The following NBEAL1 variants were observed in gnomAD, a reference collection of about 807,000 sequenced individuals.
NBEAL1 encodes the protein neurobeachin like 1, also known as neurobeachin-like protein 1.
Under a neutral mutation model 351.3 loss-of-function variants are expected in NBEAL1, and 273 were observed. The ratio of observed to expected loss-of-function variants is 0.78; its 90% confidence interval spans 0.70 to 0.86. The LOEUF (loss-of-function observed/expected upper bound fraction) is 0.86. Ranked by LOEUF, NBEAL1 falls within the 40% of genes least tolerant of loss-of-function variation. The pLI, the probability that NBEAL1 is intolerant of heterozygous loss-of-function variation, is 0.00. For synonymous variants in NBEAL1, 1,050 were observed against 1,086.4 expected (o/e 0.97, Z 0.66); for missense variants, 2,961 against 3,201.3 (o/e 0.92, Z 1.81).
intron 8 of NBEAL1, among the ~76,000 whole-genome samples, chr2:203,080,711 GAA>G (rs1237024398): frequency 2.0e-5 from 3 of 152,058 alleles, no homozygotes; most frequent in Non-Finnish European, 2.9e-5. Context: ...CCTAGTAGAA[GAA>G]AAGAGTCTCC....
intron 50 of NBEAL1, among the ~76,000 whole-genome samples, chr2:203,201,928 A>G (rs1435316653): frequency 1.3e-5 from 2 of 152,098 alleles, no homozygotes; most frequent in African/African-American, 2.4e-5. Flanking sequence ...ATACATCTTC[A>G]TAGTATCTGG....
chr2:203,017,561 T>C (rs2060701339), intron 2 of NBEAL1, among the ~76,000 whole-genome samples: 1 of 152,158 alleles, frequency 6.6e-6, no homozygotes, highest in African/African-American at 2.4e-5. Context: ...TTCACCACTT[T>C]TGAAAATAGT....
chr2:203,115,841 C>CA, intron 17 of NBEAL1, 144 bp from the exon 18 acceptor site: 1 of 551,216 alleles, frequency 1.8e-6, no homozygotes, highest in Non-Finnish European at 3.2e-6. Context: ...AATATGGAAA[C>CA]AAAGTAAATT....
chr2:203,191,539 C>CA (rs1223782412), intron 46 of NBEAL1, among the ~76,000 whole-genome samples: 1 of 151,822 alleles, frequency 6.6e-6, no homozygotes, highest in Non-Finnish European at 1.5e-5. Context: ...GTAGAATGTA[C>CA]AAAAAAATAT....
chr2:203,132,914 T>C (rs1575018460), intron 26 of NBEAL1, 144 bp from the exon 27 acceptor site: 1 of 536,934 alleles, frequency 1.9e-6, no homozygotes, highest in South Asian at 2.7e-5. Flanking sequence ...TCTAAACCTA[T>C]TTTTTCTTTA....
At chr2:203,207,311 C>T (rs1324776221) in intron 51 of NBEAL1, among the ~76,000 whole-genome samples, 2 of 151,320 alleles carry the variant, frequency 1.3e-5, no homozygotes, top group Admixed American at 6.6e-5. Flanking sequence ...CCCCGCCCGG[C>T]CAGCCGCCCC....
intron 8 of NBEAL1, among the ~76,000 whole-genome samples, chr2:203,080,411 C>CA (rs1235029749): frequency 6.6e-6 from 1 of 151,358 alleles, no homozygotes; most frequent in Non-Finnish European, 1.5e-5. Flanking sequence ...GACTTCATCT[C>CA]AAAAAAAAAG....
intron 31 of NBEAL1, among the ~76,000 whole-genome samples, chr2:203,142,672 A>G (rs2063410158): frequency 6.6e-6 from 1 of 152,252 alleles, no homozygotes; most frequent in African/African-American, 2.4e-5. Context: ...AGTTAAAAGC[A>G]AAACATTGGA....
In NBEAL1 at chr2:203,144,962, G is replaced by T. The variant is rs780763853; in HGVS notation, c.5155-49G>T. On this transcript the variant is annotated intron_variant, in intron 32 of 55. Transcript: ENST00000683969. The stretch of plus-strand genomic sequence containing the variant: ...CTGCTAATTTACCATTTTTATAGAG[G>T]TGAAGTCATATATTAAATTTTATGT... The T allele has an allele frequency of 2.0e-6, 3 of 1,507,894 alleles. No homozygotes were observed. In the East Asian group the frequency reaches 7.2e-5, roughly 36 times the overall value. The allele number at this position is 1,507,894 out of a possible 1,614,324, so 93.4% of individuals were successfully genotyped here. A position where few individuals can be genotyped will look rare whatever the true frequency, so the allele number is the denominator to read the frequency against.
chr2:203,119,423 G>GTTTTTTTTTT (rs1559379701), intron 18 of NBEAL1, among the ~76,000 whole-genome samples: 3 of 21,432 alleles, frequency 1.4e-4, no homozygotes, highest in Non-Finnish European at 2.8e-4. Flanking sequence ...ACGGCCTGTT[G>GTTTTTTTTTT]CTTTTTTTTT....
chr2:203,038,370 A>T (rs1408271990), intron 2 of NBEAL1, among the ~76,000 whole-genome samples: 1 of 148,910 alleles, frequency 6.7e-6, no homozygotes. Context: ...CACTAACATG[A>T]TATAGTTTTT....
intron 4 of NBEAL1, 62 bp from the exon 5 acceptor site, chr2:203,056,365 T>C (rs1350521144): frequency 4.6e-6 from 4 of 869,358 alleles, no homozygotes; most frequent in Non-Finnish European, 7.6e-6. Flanking sequence ...CAAGCTGAAT[T>C]CATGAACATA....
At chr2:203,161,825 C>G (rs929448660) in intron 36 of NBEAL1, among the ~76,000 whole-genome samples, 1 of 151,550 alleles carries the variant, frequency 6.6e-6, no homozygotes, top group African/African-American at 2.4e-5. Context: ...AGAGCCAGAC[C>G]CTATCTCTAA....
At chr2:203,111,714 T>A (rs1394536109) in intron 15 of NBEAL1, among the ~76,000 whole-genome samples, 4 of 152,204 alleles carry the variant, frequency 2.6e-5, no homozygotes, top group Non-Finnish European at 5.9e-5. Flanking sequence ...ATGCTTCTCA[T>A]TTTTAAAAAT....
intron 31 of NBEAL1, among the ~76,000 whole-genome samples, chr2:203,140,614 A>G (rs191788975): frequency 3.5e-4 from 53 of 152,312 alleles, no homozygotes; most frequent in African/African-American, 1.2e-3. Flanking sequence ...AAGTACACAG[A>G]TGGTGGAATT....
At chr2:203,192,682 G>A (rs879719340) in intron 46 of NBEAL1, among the ~76,000 whole-genome samples, 15 of 151,974 alleles carry the variant, frequency 9.9e-5, no homozygotes, top group Non-Finnish European at 1.8e-4. Context: ...CACCGCACCC[G>A]ATCTAAAAGC....
chr2:203,138,610 T>TGCCA lies in NBEAL1; in HGVS notation c.4720-10_4720-9insGCCA. 6.4e-7 allele frequency: 1 copy of TGCCA among 1,571,326 alleles called. No individual in the cohort carries two copies. The highest frequency in any genetic ancestry group is 8.6e-7 in the Non-Finnish European group (1 of 1,167,510). On this transcript the variant is annotated splice_polypyrimidine_tract_variant and intron_variant, in intron 30 of 55. Coordinates refer to ENST00000683969, the MANE Select transcript of NBEAL1 (RefSeq NM_001378026.1). ...TGTTTTTATTTCTCAATTTTTTTCCTTTGTGATAGCTTTTAGAGGATATGA... is the reference window on the plus strand; with the variant it reads ...TGTTTTTATTTCTCAATTTTTTTCCTGCCATTGTGATAGCTTTTAGAGGATATGA...
chr2:203,105,885 A>G (rs1217816615), intron 12 of NBEAL1, among the ~76,000 whole-genome samples: 1 of 152,216 alleles, frequency 6.6e-6, no homozygotes, highest in East Asian at 1.9e-4. Context: ...AGTTTAAAAA[A>G]TTAAGCTTTA....
chr2:203,208,111 C>T (rs554673945), intron 51 of NBEAL1, among the ~76,000 whole-genome samples: 2 of 152,164 alleles, frequency 1.3e-5, no homozygotes, highest in East Asian at 3.9e-4. Flanking sequence ...GCAAGACCCT[C>T]ATCTCTACAA....
Sources: allele counts gnomAD v4.1 joint callset (sites outside exome capture counted in the v4.1 genomes callset), GRCh38; gene constraint gnomAD v4.1.1; transcripts MANE v1.5; gene names NCBI Gene and HGNC (gene_info 2026-07-23, HGNC 2026-07-21).